The following WDR70 variants were observed in gnomAD, a reference collection of about 807,000 sequenced individuals.
The protein encoded by WDR70 is WD repeat domain 70.
In WDR70, 53 loss-of-function variants were observed where a neutral mutation model predicts 88.6. The observed-to-expected ratio is 0.60, with a 90% confidence interval of 0.48 to 0.75. The LOEUF is 0.75. WDR70 is among the 30% of genes least tolerant of loss of function. The pLI is 0.00. For synonymous variants in WDR70, 280 were observed against 270.0 expected, an observed-to-expected ratio of 1.04 and a Z score of -0.36; for missense variants, 610 against 823.2, an observed-to-expected ratio of 0.74 and a Z score of 3.17.
chr5:37,563,100 G>T (rs1343126482), intron 9 of WDR70, among the ~76,000 whole-genome samples: 8 of 62,070 alleles, frequency 1.3e-4, no homozygotes, highest in African/African-American at 2.9e-4. Flanking sequence ...CCTCCCTCCC[G>T]GACGGGGCGG....
intron 5 of WDR70, among the ~76,000 whole-genome samples, chr5:37,418,584 G>GA (rs540139557): frequency 6.6e-6 from 1 of 151,902 alleles, no homozygotes; most frequent in South Asian, 2.1e-4. Context: ...TTATAATCAT[G>GA]AAAAAAAGTT....
intron 10 of WDR70, among the ~76,000 whole-genome samples, chr5:37,660,806 C>G (rs1209980400): frequency 6.6e-6 from 1 of 151,872 alleles, no homozygotes. Flanking sequence ...ACAGTTGGCC[C>G]AACATATATT....
At chr5:37,619,191 T>C (rs1421909976) in intron 10 of WDR70, among the ~76,000 whole-genome samples, 2 of 152,150 alleles carry the variant, frequency 1.3e-5, no homozygotes, top group African/African-American at 2.4e-5. Context: ...GTTTTGAATT[T>C]GTGTTATTCT....
At chr5:37,676,026 C>T (rs1205155430) in intron 10 of WDR70, among the ~76,000 whole-genome samples, 3 of 148,080 alleles carry the variant, frequency 2.0e-5, no homozygotes, top group African/African-American at 7.5e-5. Context: ...CATGATTTGG[C>T]TCTCTGTTTG....
intron 10 of WDR70, among the ~76,000 whole-genome samples, chr5:37,632,454 A>G (rs1411023425): frequency 6.6e-6 from 1 of 152,208 alleles, no homozygotes; most frequent in Non-Finnish European, 1.5e-5. Context: ...ATTACCTCTG[A>G]ACACCTTTCA....
chr5:37,554,831 C>T (rs549353406), intron 9 of WDR70, among the ~76,000 whole-genome samples: 2 of 152,106 alleles, frequency 1.3e-5, no homozygotes, highest in East Asian at 1.9e-4. Flanking sequence ...CTCAGCCTCT[C>T]GAGTATTGGG....
At chr5:37,484,912 A>G (rs1245868461) in intron 8 of WDR70, among the ~76,000 whole-genome samples, 1 of 152,198 alleles carries the variant, frequency 6.6e-6, no homozygotes, top group Non-Finnish European at 1.5e-5. Context: ...TGCTTCTATC[A>G]TGTCCACTAA....
intron 10 of WDR70, among the ~76,000 whole-genome samples, chr5:37,639,618 T>C (rs966958448): frequency 1.3e-5 from 2 of 152,160 alleles, no homozygotes; most frequent in African/African-American, 4.8e-5. Context: ...TACATGTTAG[T>C]TGGTGCCAGT....
At chr5:37,554,684 A>ACG (rs925286959) in intron 9 of WDR70, among the ~76,000 whole-genome samples, 13 of 151,248 alleles carry the variant, frequency 8.6e-5, no homozygotes, top group Non-Finnish European at 1.8e-4. Context: ...GCACGCACAC[A>ACG]CACACACACA....
intron 9 of WDR70, among the ~76,000 whole-genome samples, chr5:37,584,542 T>C (rs1743311959): frequency 6.6e-6 from 1 of 152,224 alleles, no homozygotes; most frequent in African/African-American, 2.4e-5. Flanking sequence ...ACTGAATCAC[T>C]CTTTGGCATA....
intron 7 of WDR70, among the ~76,000 whole-genome samples, chr5:37,446,518 C>A (rs975731699): frequency 1.3e-5 from 2 of 152,190 alleles, no homozygotes; most frequent in African/African-American, 4.8e-5. Context: ...CTGGAGGCAT[C>A]ATGCTACCTG....
At chr5:37,658,253 T>C (rs1254225381) in intron 10 of WDR70, among the ~76,000 whole-genome samples, 1 of 151,844 alleles carries the variant, frequency 6.6e-6, no homozygotes, top group Non-Finnish European at 1.5e-5. Context: ...AAGTAGACGC[T>C]GCAGTTCAAA....
At chr5:37,540,386 T>C (rs1048870228) in intron 9 of WDR70, among the ~76,000 whole-genome samples, 1 of 152,206 alleles carries the variant, frequency 6.6e-6, no homozygotes, top group African/African-American at 2.4e-5. Flanking sequence ...TTGTTCTTTT[T>C]TTGTTTGTTT....
chr5:37,692,064 AATACT>A (rs771875450), intron 10 of WDR70, among the ~76,000 whole-genome samples: 95 of 152,354 alleles, frequency 6.2e-4, no homozygotes, highest in Non-Finnish European at 1.1e-3. Context: ...ACCATCAAAG[AATACT>A]ATAAACACCT....
At chr5:37,517,858 TTATTA>T (rs1474121760) in intron 9 of WDR70, among the ~76,000 whole-genome samples, 3 of 147,338 alleles carry the variant, frequency 2.0e-5, no homozygotes, top group Non-Finnish European at 3.0e-5. Context: ...ATATTATTTT[TTATTA>T]TATTATTATA....
At position 37,657,524 on chromosome 5, in the gene WDR70, G is replaced by A. The variant is rs913174888; in HGVS notation, c.1093-40131G>A. 4.6e-5 allele frequency among the ~76,000 whole-genome samples: 7 copies of A among 152,176 alleles called. No homozygotes were observed. In the South Asian group the frequency reaches 1.4e-3, roughly 31 times the overall value. ...GCTACTTACTATGAATTTCAAAAGG[G>A]TAATGAGAGGGTCTTTTATCTCTGG... is the stretch of plus-strand genomic sequence containing the variant. On this transcript the variant is annotated intron_variant, in intron 10 of 17. Coordinates refer to ENST00000265107, the MANE Select transcript of WDR70 (RefSeq NM_018034.4).
intron 8 of WDR70, among the ~76,000 whole-genome samples, chr5:37,485,858 A>ATGTTTTTTTTTTTTTTTTTTTTTTT (rs1739848569): frequency 9.2e-6 from 1 of 108,290 alleles, no homozygotes; most frequent in Admixed American, 9.8e-5. Flanking sequence ...TGCCTGGCTA[A>ATGTTTTTTTTTTTTTTTTTTTTTTT]TTTTTTTTTT....
intron 13 of WDR70, among the ~76,000 whole-genome samples, chr5:37,709,518 C>T (rs1393575585): frequency 6.6e-6 from 1 of 151,716 alleles, no homozygotes; most frequent in Non-Finnish European, 1.5e-5. Context: ...TTTCAGAGCA[C>T]TGGTTGTTTC....
intron 8 of WDR70, among the ~76,000 whole-genome samples, chr5:37,483,728 T>G (rs1739752467): frequency 2.2e-5 from 3 of 135,092 alleles, no homozygotes; most frequent in Admixed American, 7.5e-5. Flanking sequence ...CTGGAGGAGG[T>G]GCCCCCCACC....
Sources: gnomAD v4.1 joint callset for allele counts (sites outside exome capture counted in the v4.1 genomes callset) on GRCh38, gnomAD v4.1.1 for gene constraint, MANE v1.5 for transcripts, NCBI Gene and HGNC (gene_info 2026-07-23, HGNC 2026-07-21) for gene names.